PTK2: variants seen among roughly 807,000 people sequenced by gnomAD.
PTK2 encodes the protein focal adhesion kinase 1.
Under a neutral mutation model 150.1 loss-of-function variants are expected in PTK2, and 45 were observed. That is an observed-to-expected ratio of 0.30 (90% CI 0.24 to 0.38). PTK2 has a LOEUF of 0.38. PTK2 is among the 10% of genes least tolerant of loss of function. The probability of loss-of-function intolerance (pLI) is 1.00; values close to 1 mark genes in which losing one functional copy is unlikely to be tolerated. For missense variants in PTK2, 919 were observed against 1,307.3 expected (o/e 0.70, Z 4.58); for synonymous variants, 432 against 449.2 (o/e 0.96, Z 0.48).
chr8:140,702,128 C>CAAAAAA (rs749591009), intron 25 of PTK2, among the ~76,000 whole-genome samples: 12 of 42,718 alleles, frequency 2.8e-4, no homozygotes, highest in Non-Finnish European at 3.2e-4. Context: ...ACTCTGTCTC[C>CAAAAAA]AAAAAAAAAA....
chr8:140,914,239 GA>G (rs1481084538), intron 2 of PTK2, among the ~76,000 whole-genome samples: 1 of 151,866 alleles, frequency 6.6e-6, no homozygotes, highest in Non-Finnish European at 1.5e-5. Context: ...AATATTCAGG[GA>G]TAACTGTTTT....
chr8:140,877,008 T>A (rs2100145926), intron 4 of PTK2, among the ~76,000 whole-genome samples: 1 of 149,448 alleles, frequency 6.7e-6, no homozygotes, highest in Non-Finnish European at 1.5e-5. Context: ...CTACTATGCA[T>A]GTAACTTTCA....
intron 1 of PTK2, among the ~76,000 whole-genome samples, chr8:140,969,464 A>G (rs1369399396): frequency 6.6e-6 from 1 of 152,194 alleles, no homozygotes; most frequent in African/African-American, 2.4e-5. Context: ...CAAGATTACC[A>G]ATGACCTCAA....
intron 11 of PTK2, among the ~76,000 whole-genome samples, chr8:140,801,828 G>C (rs546524581): frequency 6.6e-6 from 1 of 152,028 alleles, no homozygotes; most frequent in Non-Finnish European, 1.5e-5. Context: ...ATGATGGTCC[G>C]CATATACAAT....
At chr8:140,687,286 G>T (rs1441021905) in intron 26 of PTK2, among the ~76,000 whole-genome samples, 2 of 152,176 alleles carry the variant, frequency 1.3e-5, no homozygotes, top group African/African-American at 2.4e-5. Context: ...CCGTGCTCCC[G>T]CAGTATGGGT....
rs200071587 is a variant in PTK2 at position 140,659,658 on chromosome 8, T to C, written c.2967A>G (p.Leu989=). 2.8e-5 allele frequency: 45 copies of C among 1,614,108 alleles called. 1 individual carries two copies. The Admixed American group carries it at 5.7e-4, about 20-fold the overall frequency. The change falls in exon 32 of 32, where the codon CTA becomes CTG. Residue 989 remains leucine, a synonymous_variant. Transcript: ENST00000522684. ...TGAGCTCACCCAGGTCAGAGTTCAA[T>C]AGCTTCTGTGCCATCTCAATCTGAA...
At chr8:140,894,893 G>C (rs2100155539) in intron 2 of PTK2, among the ~76,000 whole-genome samples, 5 of 152,176 alleles carry the variant, frequency 3.3e-5, no homozygotes, top group African/African-American at 7.2e-5. Context: ...TAACAAATCT[G>C]ATCTAATTGA....
At chr8:140,790,313 A>G (rs536578418) in intron 13 of PTK2, among the ~76,000 whole-genome samples, 13 of 152,302 alleles carry the variant, frequency 8.5e-5, no homozygotes, top group Admixed American at 7.2e-4. Context: ...AGTGTTTCCA[A>G]TGTCAGATTT....
At chr8:140,846,614 C>T in exon 6 of PTK2, 3 of 1,610,454 alleles carry the variant, frequency 1.9e-6, no homozygotes, top group Non-Finnish European at 2.5e-6. Flanking sequence ...TTCTAGACAA[C>T]CCAACTTCAA....
intron 10 of PTK2, among the ~76,000 whole-genome samples, chr8:140,816,756 T>TA (rs1566939223): frequency 6.6e-6 from 1 of 152,198 alleles, no homozygotes; most frequent in East Asian, 1.9e-4. Context: ...GTTACAAGAA[T>TA]AACTTTGTAT....
intron 23 of PTK2, among the ~76,000 whole-genome samples, chr8:140,706,474 T>C (rs1228246445): frequency 2.0e-5 from 3 of 152,146 alleles, no homozygotes; most frequent in Non-Finnish European, 4.4e-5. Context: ...GGTCTAAATG[T>C]AAAAGTTAAA....
intron 1 of PTK2, among the ~76,000 whole-genome samples, chr8:140,960,331 G>C (rs1242251578): frequency 1.3e-5 from 2 of 148,786 alleles, no homozygotes; most frequent in African/African-American, 5.0e-5. Context: ...CCAAGTAGCT[G>C]GCATGCGCTA....
chr8:140,684,160 A>C (rs1314947638), intron 27 of PTK2, among the ~76,000 whole-genome samples: 1 of 152,192 alleles, frequency 6.6e-6, no homozygotes, highest in African/African-American at 2.4e-5. Flanking sequence ...AGCAGTCCCC[A>C]ATCATTTTGG....
At chr8:140,883,990 T>C (rs2100150781) in intron 3 of PTK2, among the ~76,000 whole-genome samples, 1 of 152,142 alleles carries the variant, frequency 6.6e-6, no homozygotes, top group Non-Finnish European at 1.5e-5. Flanking sequence ...CCTTGGCTCA[T>C]GGTCGTCTTC....
intron 1 of PTK2, among the ~76,000 whole-genome samples, chr8:140,945,067 T>C (rs2100177218): frequency 6.6e-6 from 1 of 152,192 alleles, no homozygotes; most frequent in Non-Finnish European, 1.5e-5. Flanking sequence ...AAATTTCCTG[T>C]TGTCGTTCAT....
At chr8:140,807,824 T>C (rs2100098976) in intron 10 of PTK2, among the ~76,000 whole-genome samples, 1 of 152,240 alleles carries the variant, frequency 6.6e-6, no homozygotes, top group South Asian at 2.1e-4. Context: ...AAATCACCTA[T>C]GAGGCTTACA....
At chr8:140,693,046 T>C (rs1367125011) in intron 26 of PTK2, among the ~76,000 whole-genome samples, 3 of 152,176 alleles carry the variant, frequency 2.0e-5, no homozygotes, top group African/African-American at 4.8e-5. Flanking sequence ...ATTAGAAAAT[T>C]ATTGTGCATG....
intron 19 of PTK2, among the ~76,000 whole-genome samples, chr8:140,743,780 CT>C (rs1187773634): frequency 1.2e-3 from 172 of 138,906 alleles, no homozygotes; most frequent in Non-Finnish European, 1.5e-3. Flanking sequence ...TTTTTCTTTT[CT>C]TTTTTTTTTT....
intron 15 of PTK2, 67 bp from the exon 18 acceptor site, chr8:140,762,455 TAAC>T: frequency 3.9e-6 from 3 of 764,294 alleles, no homozygotes; most frequent in Non-Finnish European, 5.0e-6. Flanking sequence ...GCAATTAGGT[TAAC>T]AACACAAACT....
Sources: allele counts gnomAD v4.1 joint callset (sites outside exome capture counted in the v4.1 genomes callset), GRCh38; gene constraint gnomAD v4.1.1; transcripts MANE v1.5; gene names NCBI Gene and HGNC (gene_info 2026-07-23, HGNC 2026-07-21).